The following RNF220 variants were observed in gnomAD, a reference collection of about 807,000 sequenced individuals.
The protein encoded by RNF220 is E3 ubiquitin-protein ligase RNF220.
A neutral mutation model predicts 67.1 loss-of-function variants in RNF220; 7 were observed. That is an observed-to-expected ratio of 0.10 (90% CI 0.06 to 0.20). The LOEUF (loss-of-function observed/expected upper bound fraction) is 0.20. RNF220 is among the 10% of genes least tolerant of loss of function. RNF220 has a pLI of 1.00. For missense variants in RNF220, 565 were observed against 740.3 expected (o/e 0.76, Z 2.75); for synonymous variants, 270 against 283.2 (o/e 0.95, Z 0.47).
intron 2 of RNF220, among the ~76,000 whole-genome samples, chr1:44,462,187 CCTCCCAAAGTGCTGGGATTACAGGT>C (rs1202804565): frequency 1.3e-5 from 2 of 151,978 alleles, no homozygotes; most frequent in African/African-American, 4.8e-5. Flanking sequence ...CCCGCCTCGG[CCTCCCAAAGTGCTGGGATTACAGGT>C]GTGAGCCACC....
chr1:44,625,758 T>C (rs1436511022), intron 4 of RNF220, among the ~76,000 whole-genome samples: 1 of 151,874 alleles, frequency 6.6e-6, no homozygotes, highest in Non-Finnish European at 1.5e-5. Flanking sequence ...CCATACAAGA[T>C]TGACATGGGG....
intron 2 of RNF220, among the ~76,000 whole-genome samples, chr1:44,458,062 G>A (rs1653380431): frequency 6.7e-6 from 1 of 149,164 alleles, no homozygotes; most frequent in Admixed American, 6.7e-5. Flanking sequence ...TTTGAGACCA[G>A]CTTGGGCAAC....
chr1:44,496,180 G>A (rs1657331752), intron 2 of RNF220, among the ~76,000 whole-genome samples: 1 of 152,304 alleles, frequency 6.6e-6, no homozygotes, highest in Non-Finnish European at 1.5e-5. Flanking sequence ...CATCCTCCAA[G>A]GTGGAAGGAC....
Position 44,606,612 on chromosome 1 carries a change from T to C in RNF220, c.626-7553T>C, listed in dbSNP as rs917420052. 6.6e-6 allele frequency among the ~76,000 whole-genome samples: 1 copy of C among 152,232 alleles called. No homozygotes were observed. The highest frequency in any genetic ancestry group is 1.5e-5 in the Non-Finnish European group (1 of 68,030). On this transcript the variant is annotated intron_variant, in intron 2 of 14. Transcript: ENST00000361799. This position sits in a 1 kb window ranked among gnomAD's most constrained non-coding sequence, Gnocchi z 4.2. ...TCAATGACATCACACTTTCCTTGTT[T>C]TCATTCTACCTCTTGGCTGTTCCTT... is the stretch of plus-strand genomic sequence containing the variant.
chr1:44,423,759 C>T, intron 2 of RNF220: 1 of 838,230 alleles, frequency 1.2e-6, no homozygotes, highest in Non-Finnish European at 1.4e-6. Context: ...TAAACTAAGC[C>T]ACATAGCACC....
intron 2 of RNF220, among the ~76,000 whole-genome samples, chr1:44,427,402 C>T (rs1158831254): frequency 6.6e-6 from 1 of 152,184 alleles, no homozygotes; most frequent in Non-Finnish European, 1.5e-5. Flanking sequence ...GAGCCTTTTG[C>T]AGTGTGGCAG....
Position 44,649,015 on chromosome 1 carries a change from A to AG in RNF220, c.1446-641dup, listed in dbSNP as rs140860973. ...TGAGGCAGAGCTAGTGAGTCAGGCG[A>AG]GGGGGTGCAGAGGGATCACAGTGCA... On this transcript the variant is annotated intron_variant, in intron 12 of 14. Coordinates refer to ENST00000361799, the MANE Select transcript of RNF220 (RefSeq NM_018150.4). This position sits in a 1 kb window ranked among gnomAD's most constrained non-coding sequence, Gnocchi z 5.9. The AG allele has an allele frequency of 0.23, 35,806 of 154,726 alleles. 5,399 individuals are homozygous for AG. Among genetic ancestry groups the AG allele is most frequent in the Middle Eastern group, 0.34 (101 of 300 alleles). 9.6% of individuals were successfully genotyped at this position (154,726 alleles called of 1,614,324 possible). A position where few individuals can be genotyped will look rare whatever the true frequency, so the allele number is the denominator to read the frequency against.
At chr1:44,448,819 G>A (rs1652367021) in intron 2 of RNF220, among the ~76,000 whole-genome samples, 1 of 152,222 alleles carries the variant, frequency 6.6e-6, no homozygotes, top group Non-Finnish European at 1.5e-5. Flanking sequence ...CATAGTAAAC[G>A]TTCTGTGTGT....
intron 2 of RNF220, among the ~76,000 whole-genome samples, chr1:44,556,092 T>C (rs1430163928): frequency 6.6e-6 from 1 of 150,594 alleles, no homozygotes; most frequent in East Asian, 2.0e-4. Context: ...TGGAGTGCAG[T>C]GGCACAATCT....
chr1:44,425,370 C>T (rs998670984), intron 2 of RNF220, among the ~76,000 whole-genome samples: 1 of 151,902 alleles, frequency 6.6e-6, no homozygotes, highest in African/African-American at 2.4e-5. Flanking sequence ...CGTGTCCCCT[C>T]ACGTAGTGCC....
intron 5 of RNF220, among the ~76,000 whole-genome samples, chr1:44,630,891 C>T (rs553443662): frequency 1.3e-5 from 2 of 152,310 alleles, no homozygotes; most frequent in East Asian, 1.9e-4. Flanking sequence ...TGGAGAACCA[C>T]TGAAGGATTT....
chr1:44,650,770 T>C lies in RNF220; in HGVS notation c.1696T>C (p.Leu566=), dbSNP rs1429299588. 6 of 1,613,594 alleles carry C rather than the reference T, an allele frequency of 3.7e-6. No homozygotes were observed. The highest frequency in any genetic ancestry group is 1.1e-5 in the South Asian group (1 of 91,084). Residue 566 remains leucine (L), a synonymous_variant, in exon 15 of 15, where the codon TTG becomes CTG. Transcript: ENST00000361799. This position sits in a 1 kb window ranked among gnomAD's most constrained non-coding sequence, Gnocchi z 4.3. ...TAPGDLRRIY[L] ...GCCCGGAGACCTGCGGAGGATCTAC[T>C]TGTGAGCTATCTGCCCCAGGCAGGC... is the stretch of plus-strand genomic sequence containing the variant.
At chr1:44,635,508 G>T in intron 6 of RNF220, 37 bp from the exon 7 acceptor site, 1 of 1,608,734 alleles carries the variant, frequency 6.2e-7, no homozygotes, top group Non-Finnish European at 8.5e-7. Flanking sequence ...GTGACCGTCT[G>T]CTTGTTCTGT....
chr1:44,584,991 G>A (rs1383500056), intron 2 of RNF220, among the ~76,000 whole-genome samples: 4 of 152,178 alleles, frequency 2.6e-5, no homozygotes, highest in East Asian at 1.9e-4. Flanking sequence ...GAGCCACCAC[G>A]CCCAGCCCAG....
chr1:44,554,924 A>G (rs1372622530), intron 2 of RNF220, among the ~76,000 whole-genome samples: 1 of 152,078 alleles, frequency 6.6e-6, no homozygotes, highest in African/African-American at 2.4e-5. Context: ...CTCCCTGCCC[A>G]CAATTCTGAT....
intron 2 of RNF220, among the ~76,000 whole-genome samples, chr1:44,446,954 C>G (rs1236575747): frequency 6.6e-6 from 1 of 152,210 alleles, no homozygotes; most frequent in Admixed American, 6.5e-5. Flanking sequence ...TGCATAATTT[C>G]TGGTCCATGA....
chr1:44,525,900 T>C (rs183783761), intron 2 of RNF220, among the ~76,000 whole-genome samples: 1 of 152,338 alleles, frequency 6.6e-6, no homozygotes, highest in Admixed American at 6.5e-5. Context: ...CTGCGTCTGC[T>C]GTCCTTATGT....
chr1:44,448,670 A>T (rs1056823645), intron 2 of RNF220, among the ~76,000 whole-genome samples: 17 of 152,230 alleles, frequency 1.1e-4, no homozygotes, highest in African/African-American at 4.1e-4. Context: ...ATCAACAAAC[A>T]TGTCTTGAGA....
chr1:44,473,682 G>A (rs1214313508), intron 2 of RNF220, among the ~76,000 whole-genome samples: 1 of 152,146 alleles, frequency 6.6e-6, no homozygotes, highest in Non-Finnish European at 1.5e-5. Context: ...AGAGGGGTCA[G>A]CTGAGAAGAT....
Sources: allele counts gnomAD v4.1 joint callset (sites outside exome capture counted in the v4.1 genomes callset), GRCh38; gene constraint gnomAD v4.1.1; non-coding constraint Gnocchi (gnomAD v3.1); transcripts MANE v1.5; gene names NCBI Gene and HGNC (gene_info 2026-07-23, HGNC 2026-07-21).